Variants in CACNA2D3 observed in about 807,000 individuals in gnomAD.
The protein encoded by CACNA2D3 is calcium voltage-gated channel auxiliary subunit alpha2delta 3.
CACNA2D3 carries 60 observed loss-of-function variants against 160.6 expected under a neutral mutation model. The ratio of observed to expected loss-of-function variants is 0.37; its 90% CI spans 0.30 to 0.46. CACNA2D3 has a LOEUF of 0.46. Among genes scored for constraint, CACNA2D3 ranks in the 20% least tolerant of loss-of-function variants. The pLI, the probability that CACNA2D3 is intolerant of heterozygous loss-of-function variation, is 1.00. For synonymous variants in CACNA2D3, 558 were observed against 492.9 expected, an observed-to-expected ratio of 1.13 and a Z score of -1.75; for missense variants, 1,205 against 1,365.0, an observed-to-expected ratio of 0.88 and a Z score of 1.85.
intron 11 of CACNA2D3, among the ~76,000 whole-genome samples, chr3:54,652,928 G>A (rs555013524): frequency 1.1e-3 from 164 of 151,962 alleles, no homozygotes; most frequent in African/African-American, 3.6e-3. Flanking sequence ...GATGATAGGC[G>A]CACACCACCA....
chr3:55,028,221 G>T (rs190713042), intron 35 of CACNA2D3, among the ~76,000 whole-genome samples: 21 of 152,280 alleles, frequency 1.4e-4, no homozygotes, highest in Admixed American at 1.3e-3. Flanking sequence ...GTGGACATTT[G>T]TATGTCTATA....
chr3:54,260,680 C>T (rs1330377344), intron 2 of CACNA2D3, among the ~76,000 whole-genome samples: 5 of 152,134 alleles, frequency 3.3e-5, no homozygotes, highest in Non-Finnish European at 7.4e-5. Context: ...TACTATTCTC[C>T]GTAGTGCTCA....
intron 11 of CACNA2D3, among the ~76,000 whole-genome samples, chr3:54,745,604 C>T (rs1044067351): frequency 3.3e-5 from 5 of 152,218 alleles, no homozygotes; most frequent in Non-Finnish European, 7.3e-5. Flanking sequence ...TAAATTGCAT[C>T]ACACACCTTT....
At chr3:54,214,915 G>T (rs942095227) in intron 2 of CACNA2D3, among the ~76,000 whole-genome samples, 1 of 152,190 alleles carries the variant, frequency 6.6e-6, no homozygotes, top group African/African-American at 2.4e-5. Flanking sequence ...TTGCCCTTTG[G>T]CTGGAGTCTT....
chr3:54,590,904 T>C (rs781378887), intron 9 of CACNA2D3, among the ~76,000 whole-genome samples: 7 of 152,220 alleles, frequency 4.6e-5, no homozygotes, highest in African/African-American at 1.4e-4. Context: ...GCTTTAGTTA[T>C]ATAAAAAAGT....
chr3:54,488,687 C>T (rs1701058091), intron 4 of CACNA2D3, among the ~76,000 whole-genome samples: 1 of 152,164 alleles, frequency 6.6e-6, no homozygotes, highest in Non-Finnish European at 1.5e-5. Flanking sequence ...ACAGTCTCTA[C>T]TGAGTACCTG....
chr3:54,881,007 A>G, intron 21 of CACNA2D3, 144 bp downstream of exon 21: 3 of 717,890 alleles, frequency 4.2e-6, no homozygotes, highest in Non-Finnish European at 5.1e-6. Context: ...TGCCTACTTG[A>G]TAATTCTTAA....
At chr3:54,902,644 G>A (rs17319204) in intron 27 of CACNA2D3, among the ~76,000 whole-genome samples, 5,616 of 152,268 alleles carry the variant, frequency 0.037, 139 homozygotes, top group Non-Finnish European at 0.054. Flanking sequence ...TGTTGTGTCA[G>A]GTCCCTCATC....
At chr3:54,187,958 CT>C (rs1700905890) in intron 2 of CACNA2D3, among the ~76,000 whole-genome samples, 1 of 151,926 alleles carries the variant, frequency 6.6e-6, no homozygotes, top group Admixed American at 6.6e-5. Context: ...TAAGGATGAC[CT>C]GATGTTTATC....
intron 2 of CACNA2D3, among the ~76,000 whole-genome samples, chr3:54,306,767 GCCCAGCACATCAGTGGTTT>G (rs893428433): frequency 2.0e-5 from 3 of 152,198 alleles, no homozygotes; most frequent in African/African-American, 7.2e-5. Flanking sequence ...CCTGGTTGCT[GCCCAGCACATCAGTGGTTT>G]CTGGGAGATG....
At chr3:55,040,826 T>A (rs538892254) in intron 35 of CACNA2D3, among the ~76,000 whole-genome samples, 1 of 152,322 alleles carries the variant, frequency 6.6e-6, no homozygotes, top group South Asian at 2.1e-4. Flanking sequence ...ATGCACATGG[T>A]GTCAATGCCA....
intron 27 of CACNA2D3, among the ~76,000 whole-genome samples, chr3:54,965,295 A>T (rs887729752): frequency 6.6e-6 from 1 of 152,174 alleles, no homozygotes; most frequent in Non-Finnish European, 1.5e-5. Context: ...ATTTGACCTC[A>T]GCCTGAACAA....
rs575295526 is a variant in CACNA2D3 at position 54,803,107 on chromosome 3, G to A, written c.1381-13746G>A. The stretch of plus-strand genomic sequence containing the variant: ...AAAGTAGATAAAACCACAAAGATGG[G>A]GAAAAAACAGAGCAGAAAAAAAGGA... On this transcript the variant is annotated intron_variant, in intron 13 of 37. Transcript: ENST00000474759. Among the ~76,000 whole-genome samples, 40 of 152,154 alleles carry A rather than the reference G, an allele frequency of 2.6e-4. 1 individual carries two copies. The South Asian group carries it at 8.3e-3, about 32-fold the overall frequency.
At chr3:54,724,699 A>G (rs1188942387) in intron 11 of CACNA2D3, among the ~76,000 whole-genome samples, 1 of 152,232 alleles carries the variant, frequency 6.6e-6, no homozygotes, top group Non-Finnish European at 1.5e-5. Flanking sequence ...GAAGGCAGAA[A>G]CAGAGATGTT....
intron 11 of CACNA2D3, among the ~76,000 whole-genome samples, chr3:54,747,819 A>C (rs926031293): frequency 6.6e-6 from 1 of 151,992 alleles, no homozygotes; most frequent in Non-Finnish European, 1.5e-5. Context: ...TAGATCTTTG[A>C]TCATATGCCA....
intron 3 of CACNA2D3, among the ~76,000 whole-genome samples, chr3:54,345,138 C>T (rs1377760988): frequency 6.6e-6 from 1 of 152,236 alleles, no homozygotes; most frequent in Non-Finnish European, 1.5e-5. Flanking sequence ...TGGGGCTTCT[C>T]TGTCTGTGGA....
intron 13 of CACNA2D3, among the ~76,000 whole-genome samples, chr3:54,793,250 G>A (rs1252749348): frequency 6.6e-6 from 1 of 152,246 alleles, no homozygotes; most frequent in Non-Finnish European, 1.5e-5. Flanking sequence ...GTAAATACTT[G>A]TTGGTTTACC....
intron 29 of CACNA2D3, among the ~76,000 whole-genome samples, chr3:54,980,488 C>T (rs1702483125): frequency 6.6e-6 from 1 of 152,196 alleles, no homozygotes; most frequent in South Asian, 2.1e-4. Context: ...AAAAAATCCA[C>T]CTTCCAAAAT....
intron 4 of CACNA2D3, among the ~76,000 whole-genome samples, chr3:54,445,020 C>T (rs1012773833): frequency 1.6e-4 from 25 of 152,216 alleles, no homozygotes; most frequent in African/African-American, 4.8e-4. Flanking sequence ...GAGTCTCAGT[C>T]TGATTTAAAT....
Sources: allele counts gnomAD v4.1 joint callset (sites outside exome capture counted in the v4.1 genomes callset), GRCh38; gene constraint gnomAD v4.1.1; transcripts MANE v1.5; gene names NCBI Gene and HGNC (gene_info 2026-07-23, HGNC 2026-07-21).